The following EFNA5 variants were observed in gnomAD, a reference collection of about 807,000 sequenced individuals.
EFNA5 encodes ephrin-A5.
Under a neutral mutation model 22.9 loss-of-function variants are expected in EFNA5, and 5 were observed. The ratio of observed to expected loss-of-function variants is 0.22; its 90% CI spans 0.11 to 0.46. The LOEUF is 0.46. EFNA5 is among the 20% of genes least tolerant of loss of function. EFNA5 has a pLI of 0.99. For missense variants in EFNA5, 237 were observed against 293.3 expected, an observed-to-expected ratio of 0.81 and a Z score of 1.40; for synonymous variants, 113 against 112.2, an observed-to-expected ratio of 1.01 and a Z score of -0.04.
chr5:107,542,748 C>T (rs575969604), intron 1 of EFNA5, among the ~76,000 whole-genome samples: 2 of 152,106 alleles, frequency 1.3e-5, no homozygotes, highest in Non-Finnish European at 2.9e-5. Context: ...AGAGAGATGT[C>T]TATTAGCTTT....
chr5:107,631,596 A>T (rs1750253820), intron 1 of EFNA5, among the ~76,000 whole-genome samples: 1 of 152,154 alleles, frequency 6.6e-6, no homozygotes, highest in Non-Finnish European at 1.5e-5. Flanking sequence ...ATTTCTTTAT[A>T]TAATTGTATA....
chr5:107,450,569 C>T (rs1348733178), intron 1 of EFNA5, among the ~76,000 whole-genome samples: 2 of 152,104 alleles, frequency 1.3e-5, no homozygotes, highest in Non-Finnish European at 2.9e-5. Context: ...ACTTTTGCTC[C>T]AAAAATTTTG....
chr5:107,664,635 G>A (rs1561464133), intron 1 of EFNA5, among the ~76,000 whole-genome samples: 1 of 152,066 alleles, frequency 6.6e-6, no homozygotes, highest in South Asian at 2.1e-4. Context: ...CCTCTTTGAG[G>A]ATTTTATACC....
rs966060656 is a variant in EFNA5, at chr5:107,634,380, G to A, written c.125+36109C>T. 4.6e-5 allele frequency among the ~76,000 whole-genome samples: 7 copies of A among 152,120 alleles called. No homozygotes were observed. In the South Asian group the frequency reaches 8.3e-4, roughly 18 times the overall value. On this transcript the variant is annotated intron_variant, in intron 1 of 4. Transcript: ENST00000333274. Reference sequence around the variant, plus strand: ...AAAGATTAGAAAATTAGCTGGGCATGGTGGTATGCATCTGTGGTCCTAGTT... The same window carrying A: ...AAAGATTAGAAAATTAGCTGGGCATAGTGGTATGCATCTGTGGTCCTAGTT...
At chr5:107,422,829 G>A (rs988611890) in intron 2 of EFNA5, among the ~76,000 whole-genome samples, 3 of 152,320 alleles carry the variant, frequency 2.0e-5, no homozygotes, top group South Asian at 4.1e-4. Context: ...TCAGTGCCAT[G>A]AGTGGGGAAA....
rs1018283218 is a variant in EFNA5 at position 107,380,731 on chromosome 5, A to G, written c.*524T>C. On this transcript the variant is annotated 3_prime_UTR_variant, in exon 5 of 5. Coordinates refer to ENST00000333274, the MANE Select transcript of EFNA5 (RefSeq NM_001962.3). ...TAGGAAATGGTGTAATATCGTATCTATTCTTAATACCTCCCCTCCGGACCT... is the reference window on the plus strand; with the variant it reads ...TAGGAAATGGTGTAATATCGTATCTGTTCTTAATACCTCCCCTCCGGACCT... The G allele has an allele frequency of 7.5e-6, 3 of 399,174 alleles. No individual in the cohort carries two copies. The highest frequency in any genetic ancestry group is 1.3e-5 in the Non-Finnish European group (3 of 226,608). The allele number at this position is 399,174 out of a possible 1,614,324, so 24.7% of individuals were successfully genotyped here.
chr5:107,666,877 G>A (rs1333380286), intron 1 of EFNA5, among the ~76,000 whole-genome samples: 1 of 152,086 alleles, frequency 6.6e-6, no homozygotes, highest in Non-Finnish European at 1.5e-5. Flanking sequence ...GAAGAGGCAT[G>A]TTCTTAGTAT....
chr5:107,456,621 G>A (rs1749706231), intron 1 of EFNA5, among the ~76,000 whole-genome samples: 1 of 152,168 alleles, frequency 6.6e-6, no homozygotes, highest in Non-Finnish European at 1.5e-5. Context: ...AACTGTGCCA[G>A]TGGTTGGGGC....
In EFNA5 at chr5:107,471,252, C is replaced by G. The variant is rs574446593; in HGVS notation, c.126-43743G>C. On this transcript the variant is annotated intron_variant, in intron 1 of 4. Coordinates refer to ENST00000333274, the MANE Select transcript of EFNA5 (RefSeq NM_001962.3). ...CTCTTCTGTAACCTGGTCTTCTCAC[C>G]TGCTGTGCAAACTCCTACCTTCAGG... 4.6e-4 allele frequency among the ~76,000 whole-genome samples: 70 copies of G among 152,206 alleles called. 1 individual carries two copies. The highest frequency in any genetic ancestry group is 9.4e-4 in the Non-Finnish European group (64 of 68,008).
rs1747673859 is a variant in EFNA5 at position 107,387,838 on chromosome 5, C to T, written c.419-67G>A. The stretch of plus-strand genomic sequence containing the variant: ...ACAACAACATATTACTCTTCATTTT[C>T]ACATACAAATGATGAACAATAAATT... On this transcript the variant is annotated intron_variant, in intron 2 of 4. Transcript: ENST00000333274. 2.8e-6 allele frequency: 3 copies of T among 1,087,598 alleles called. No individual in the cohort carries two copies. In the East Asian group the frequency reaches 7.2e-5, roughly 26 times the overall value. 67.4% of individuals were successfully genotyped at this position (1,087,598 alleles called of 1,614,324 possible). A position where few individuals can be genotyped will look rare whatever the true frequency, so the allele number is the denominator to read the frequency against.
intron 1 of EFNA5, among the ~76,000 whole-genome samples, chr5:107,630,799 C>T (rs998107501): frequency 6.6e-6 from 1 of 152,098 alleles, no homozygotes; most frequent in African/African-American, 2.4e-5. Context: ...ATACATTGTA[C>T]AACTGTACAA....
intron 1 of EFNA5, among the ~76,000 whole-genome samples, chr5:107,534,729 T>C (rs1016494706): frequency 6.6e-6 from 1 of 152,170 alleles, no homozygotes; most frequent in Non-Finnish European, 1.5e-5. Context: ...CAGCACTGAA[T>C]TGGGGTGAAA....
Position 107,640,942 on chromosome 5 carries a change from A to G in EFNA5, c.125+29547T>C, listed in dbSNP as rs186029784. Among the ~76,000 whole-genome samples, 7 of 152,098 alleles carry G rather than the reference A, an allele frequency of 4.6e-5. No individual in the cohort carries two copies. The East Asian group carries it at 9.7e-4, about 21-fold the overall frequency. On this transcript the variant is annotated intron_variant, in intron 1 of 4. Transcript: ENST00000333274. ...ACTTCTCTTACATTTCTGAGTTTCA[A>G]TTTTAGCAACCTGGTAGGTAGGTAG... is the stretch of plus-strand genomic sequence containing the variant.
At chr5:107,466,193 A>G (rs1749976052) in intron 1 of EFNA5, among the ~76,000 whole-genome samples, 1 of 152,190 alleles carries the variant, frequency 6.6e-6, no homozygotes, top group African/African-American at 2.4e-5. Context: ...CTGCACTGCC[A>G]AAGCTTCTTT....
chr5:107,495,208 C>T (rs1332912835), intron 1 of EFNA5, among the ~76,000 whole-genome samples: 3 of 152,150 alleles, frequency 2.0e-5, no homozygotes, highest in Admixed American at 6.5e-5. Flanking sequence ...CCTTTATGAG[C>T]TATAACACTC....
intron 1 of EFNA5, among the ~76,000 whole-genome samples, chr5:107,530,358 A>G (rs1459968167): frequency 6.6e-6 from 1 of 152,170 alleles, no homozygotes; most frequent in East Asian, 1.9e-4. Flanking sequence ...CATTTGGTTG[A>G]CCACAGCTAA....
chr5:107,494,425 G>C (rs1192688445), intron 1 of EFNA5, among the ~76,000 whole-genome samples: 6 of 152,224 alleles, frequency 3.9e-5, no homozygotes, highest in Non-Finnish European at 8.8e-5. Flanking sequence ...TGCCCCAGCA[G>C]CGCCAGCCCA....
At chr5:107,519,780 A>G (rs1050173697) in intron 1 of EFNA5, among the ~76,000 whole-genome samples, 3 of 152,250 alleles carry the variant, frequency 2.0e-5, no homozygotes, top group Non-Finnish European at 4.4e-5. Flanking sequence ...TACTTTAAAA[A>G]TAAGTAATTT....
At chr5:107,470,393 A>G (rs1185284763) in intron 1 of EFNA5, among the ~76,000 whole-genome samples, 1 of 152,230 alleles carries the variant, frequency 6.6e-6, no homozygotes, top group East Asian at 1.9e-4. Context: ...AGGATGATGA[A>G]GTATATCCAA....
Sources: gnomAD v4.1 joint callset for allele counts (sites outside exome capture counted in the v4.1 genomes callset) on GRCh38, gnomAD v4.1.1 for gene constraint, MANE v1.5 for transcripts, NCBI Gene and HGNC (gene_info 2026-07-23, HGNC 2026-07-21) for gene names.